Variants in DENND5B observed in about 807,000 individuals in gnomAD.
DENND5B encodes DENN domain-containing protein 5B.
A neutral mutation model predicts 140.6 loss-of-function variants in DENND5B; 34 were observed. The ratio of observed to expected loss-of-function variants is 0.24; its 90% CI spans 0.18 to 0.32. DENND5B has a LOEUF of 0.32. Among genes scored for constraint, DENND5B ranks in the 10% least tolerant of loss-of-function variants. The pLI, the probability that DENND5B is intolerant of heterozygous loss-of-function variation, is 1.00. For synonymous variants in DENND5B, 551 were observed against 562.1 expected (o/e 0.98, Z 0.28); for missense variants, 1,142 against 1,560.2 (o/e 0.73, Z 4.52).
chr12:31,403,920 A>T (rs1189919616), intron 14 of DENND5B, among the ~76,000 whole-genome samples: 13 of 150,024 alleles, frequency 8.7e-5, no homozygotes, highest in African/African-American at 2.9e-4. Flanking sequence ...AAAAAAAAAA[A>T]AAAAGTGCAG....
intron 2 of DENND5B, among the ~76,000 whole-genome samples, chr12:31,484,557 A>G (rs1055936690): frequency 7.2e-5 from 11 of 152,138 alleles, no homozygotes; most frequent in Admixed American, 2.0e-4. Flanking sequence ...TTATCCTAGC[A>G]CTTTGGAAGG....
chr12:31,558,299 C>T lies in DENND5B; in HGVS notation c.127+32407G>A, dbSNP rs1378809521. On this transcript the variant is annotated intron_variant, in intron 1 of 20. Coordinates refer to ENST00000389082, the MANE Select transcript of DENND5B (RefSeq NM_144973.4). ...ACCCCCTTGTTTTCTTTTTCCTGGG[C>T]TTGGAGCAAGAGGCAATTGCACTGG... is the stretch of plus-strand genomic sequence containing the variant. 2.0e-5 allele frequency among the ~76,000 whole-genome samples: 3 copies of T among 152,014 alleles called. No homozygotes were observed. The South Asian group carries it at 6.2e-4, about 32-fold the overall frequency.
chr12:31,456,222 T>C (rs1471741254), intron 4 of DENND5B, among the ~76,000 whole-genome samples: 1 of 150,392 alleles, frequency 6.6e-6, no homozygotes, highest in Non-Finnish European at 1.5e-5. Context: ...CCCAGCTATT[T>C]GGGAAGTTGA....
chr12:31,545,049 C>A (rs950987922), intron 1 of DENND5B, among the ~76,000 whole-genome samples: 1 of 152,076 alleles, frequency 6.6e-6, no homozygotes, highest in Non-Finnish European at 1.5e-5. Flanking sequence ...ATCGCCCCCA[C>A]CACAGACACA....
chr12:31,480,825 C>T (rs1946041003), intron 2 of DENND5B, among the ~76,000 whole-genome samples: 1 of 152,106 alleles, frequency 6.6e-6, no homozygotes, highest in Non-Finnish European at 1.5e-5. Context: ...GAAAAAGAAA[C>T]TTTGGAAATT....
intron 1 of DENND5B, among the ~76,000 whole-genome samples, chr12:31,540,518 G>C (rs887507814): frequency 2.0e-5 from 3 of 152,094 alleles, no homozygotes; most frequent in Admixed American, 1.3e-4. Context: ...GCCAGGTGAG[G>C]TGGCGACTAC....
At chr12:31,415,666 C>T (rs1440098267) in intron 11 of DENND5B, among the ~76,000 whole-genome samples, 3 of 152,122 alleles carry the variant, frequency 2.0e-5, no homozygotes, top group African/African-American at 7.2e-5. Flanking sequence ...TCACTGCAGC[C>T]TCAACCTCCT....
chr12:31,566,759 G>A (rs944174397), intron 1 of DENND5B, among the ~76,000 whole-genome samples: 1 of 152,164 alleles, frequency 6.6e-6, no homozygotes. Context: ...ATCCTGCCAG[G>A]CTACATAGTA....
rs558421142 is a variant in DENND5B, at chr12:31,386,283, G to A, written c.*1320C>T. 3 of 154,892 alleles carry A rather than the reference G, an allele frequency of 1.9e-5. No homozygotes were observed. The highest frequency in any genetic ancestry group is 1.9e-4 in the East Asian group (1 of 5,176). 9.6% of individuals were successfully genotyped at this position (154,892 alleles called of 1,614,324 possible). On this transcript the variant is annotated 3_prime_UTR_variant, in exon 21 of 21. Transcript: ENST00000389082. Reference sequence around the variant, plus strand: ...ATTAGAGTTACAGGACCTACCAGAAGATGAGGACTTACAGTAACTAGCCAA... The same window carrying A: ...ATTAGAGTTACAGGACCTACCAGAAAATGAGGACTTACAGTAACTAGCCAA...
chr12:31,451,851 T>G, intron 5 of DENND5B, 89 bp downstream of exon 5: 1 of 1,444,146 alleles, frequency 6.9e-7, no homozygotes, highest in Non-Finnish European at 9.4e-7. Flanking sequence ...TGGGTAAGCA[T>G]AGGCACAGAA....
At chr12:31,568,688 C>T (rs770892438) in intron 1 of DENND5B, among the ~76,000 whole-genome samples, 4 of 152,136 alleles carry the variant, frequency 2.6e-5, no homozygotes, top group Non-Finnish European at 5.9e-5. Context: ...ATAAAGGTTG[C>T]GCCTAAACAG....
At chr12:31,476,957 A>G (rs1945840714) in intron 3 of DENND5B, among the ~76,000 whole-genome samples, 1 of 152,178 alleles carries the variant, frequency 6.6e-6, no homozygotes, top group Non-Finnish European at 1.5e-5. Context: ...GGCCAGGCAC[A>G]GTGGCTCACG....
At chr12:31,397,690 C>CTGAG (rs935319206) in intron 17 of DENND5B, among the ~76,000 whole-genome samples, 19 of 151,560 alleles carry the variant, frequency 1.3e-4, no homozygotes, top group Non-Finnish European at 2.4e-4. Flanking sequence ...CTTTGGGAGG[C>CTGAG]TGAGGCAGGC....
At chr12:31,560,685 A>T (rs1189238773) in intron 1 of DENND5B, among the ~76,000 whole-genome samples, 1 of 152,146 alleles carries the variant, frequency 6.6e-6, no homozygotes, top group Non-Finnish European at 1.5e-5. Context: ...TTTCAACAAC[A>T]TAAGGCCCTT....
At chr12:31,473,814 A>G (rs1945666868) in intron 3 of DENND5B, among the ~76,000 whole-genome samples, 2 of 152,234 alleles carry the variant, frequency 1.3e-5, no homozygotes, top group African/African-American at 4.8e-5. Flanking sequence ...ATTGAAAAAG[A>G]AATGGTTTAT....
intron 1 of DENND5B, among the ~76,000 whole-genome samples, chr12:31,563,104 G>C (rs574751369): frequency 6.6e-6 from 1 of 152,260 alleles, no homozygotes; most frequent in African/African-American, 2.4e-5. Context: ...ATCAAAGTCA[G>C]CTAGGTTTCT....
intron 1 of DENND5B, among the ~76,000 whole-genome samples, chr12:31,582,064 TGGAACAC>T (rs1950226488): frequency 6.6e-6 from 1 of 152,238 alleles, no homozygotes; most frequent in South Asian, 2.1e-4. Flanking sequence ...TTATTTTTTT[TGGAACAC>T]TGTATTTTCA....
chr12:31,464,613 T>G (rs1482864648), intron 3 of DENND5B, among the ~76,000 whole-genome samples: 3 of 152,176 alleles, frequency 2.0e-5, no homozygotes, highest in Non-Finnish European at 4.4e-5. Context: ...CAGGCTGGAG[T>G]GCAGTGGTGC....
chr12:31,411,806 A>T (rs1269377358), intron 13 of DENND5B, among the ~76,000 whole-genome samples: 6 of 152,222 alleles, frequency 3.9e-5, no homozygotes. Flanking sequence ...TGTGATATAT[A>T]CAAATACAAA....
Sources: gnomAD v4.1 joint callset for allele counts (sites outside exome capture counted in the v4.1 genomes callset) on GRCh38, gnomAD v4.1.1 for gene constraint, MANE v1.5 for transcripts, NCBI Gene and HGNC (gene_info 2026-07-23, HGNC 2026-07-21) for gene names.